TOP1: variants seen among roughly 807,000 people sequenced by gnomAD.
TOP1 encodes DNA topoisomerase 1.
TOP1 carries 10 observed loss-of-function variants against 111.1 expected under a neutral mutation model. The ratio of observed to expected loss-of-function variants is 0.09; its 90% CI spans 0.06 to 0.15. The LOEUF (loss-of-function observed/expected upper bound fraction) is 0.15. TOP1 is among the 10% of genes least tolerant of loss of function. The pLI is 1.00. For synonymous variants in TOP1, 271 were observed against 302.9 expected, an observed-to-expected ratio of 0.89 and a Z score of 1.10; for missense variants, 474 against 926.7, an observed-to-expected ratio of 0.51 and a Z score of 6.34.
At chr20:41,091,536 G>A (rs1194849288) in intron 8 of TOP1, among the ~76,000 whole-genome samples, 1 of 147,862 alleles carries the variant, frequency 6.8e-6, no homozygotes, top group Non-Finnish European at 1.5e-5. Flanking sequence ...AATAGGAAAT[G>A]TAGCAAATTA....
chr20:41,081,168 T>C lies in TOP1; in HGVS notation c.435T>C (p.Ala145=), dbSNP rs766862912. ...PLKRPRDEDD[A]DYKPKKIKTE... ...GTATTCATGTTCCCCTTTCTAGTGC[T>C]GATTATAAACCTAAGAAAATTAAAA... The change falls in exon 7 of 21, where the codon GCT becomes GCC. Residue 145 remains alanine (A), a synonymous_variant. Transcript: ENST00000361337. 35 of 1,595,680 alleles carry C rather than the reference T, an allele frequency of 2.2e-5. No homozygotes were observed. The highest frequency in any genetic ancestry group is 2.5e-5 in the Non-Finnish European group (29 of 1,169,356).
At chr20:41,076,595 T>C (rs1049641659) in intron 4 of TOP1, among the ~76,000 whole-genome samples, 3 of 152,208 alleles carry the variant, frequency 2.0e-5, no homozygotes, top group Non-Finnish European at 4.4e-5. Context: ...GCCTTGATGG[T>C]CTTCTGTTCA....
chr20:41,040,803 CAAAA>C (rs58729802), intron 2 of TOP1, among the ~76,000 whole-genome samples: 3 of 80,546 alleles, frequency 3.7e-5, no homozygotes, highest in Admixed American at 1.4e-4. Flanking sequence ...GGCATCGTCT[CAAAA>C]AAAAAAAAAA....
chr20:41,104,323 C>T (rs1332399573), intron 13 of TOP1, among the ~76,000 whole-genome samples: 2 of 152,112 alleles, frequency 1.3e-5, no homozygotes, highest in African/African-American at 2.4e-5. Context: ...TGGACACAAA[C>T]AAGAAGTAGA....
chr20:41,063,732 G>A (rs1424996251), intron 3 of TOP1, among the ~76,000 whole-genome samples: 3 of 152,032 alleles, frequency 2.0e-5, no homozygotes, highest in Non-Finnish European at 4.4e-5. Context: ...CCATTTGTAT[G>A]TCATCTTTTG....
In TOP1 at chr20:41,079,659, T is replaced by A. The variant is rs2033766802; in HGVS notation, c.336-426T>A. On this transcript the variant is annotated intron_variant, in intron 5 of 20. Coordinates refer to ENST00000361337, the MANE Select transcript of TOP1 (RefSeq NM_003286.4). This position sits in a 1 kb window ranked among gnomAD's most constrained non-coding sequence, Gnocchi z 4.0. ...AGGTACTAAGTTGGGGAAATCAATG[T>A]TTATTCCTTTCCTTGTAAAAGCTGT... 6.6e-6 allele frequency among the ~76,000 whole-genome samples: 1 copy of A among 152,232 alleles called. No individual in the cohort carries two copies. Among genetic ancestry groups the A allele is most frequent in the African/African-American group, 2.4e-5 (1 of 41,458 alleles).
Position 41,121,967 on chromosome 20 carries a change from G to C in TOP1, c.2046-39G>C, listed in dbSNP as rs934386752. The stretch of plus-strand genomic sequence containing the variant: ...TGGGTACAGTGTGCTCTTGTCTAGA[G>C]CCCAGGCCTGGTTCTTGAGGACTTT... On this transcript the variant is annotated intron_variant, in intron 19 of 20. Coordinates refer to ENST00000361337, the MANE Select transcript of TOP1 (RefSeq NM_003286.4). The surrounding 1 kb of genome is among the most constrained non-coding windows in gnomAD (Gnocchi z 4.2). The C allele has an allele frequency of 6.2e-7, 1 of 1,611,556 alleles. No individual in the cohort carries two copies.
At chr20:41,073,144 T>C (rs751012037) in intron 3 of TOP1, 3 of 985,330 alleles carry the variant, frequency 3.0e-6, no homozygotes, top group Non-Finnish European at 3.6e-6. Flanking sequence ...GGTGTGATAA[T>C]GTACAGCAAA....
intron 2 of TOP1, among the ~76,000 whole-genome samples, chr20:41,043,728 C>T (rs2033296862): frequency 1.3e-5 from 2 of 152,176 alleles, no homozygotes; most frequent in Admixed American, 1.3e-4. Context: ...TTAGGCTGAG[C>T]TGTGGATCCG....
Position 41,121,751 on chromosome 20 carries a change from A to G in TOP1, c.2006A>G (p.Lys669Arg), listed in dbSNP as rs1161096445. 6.2e-7 allele frequency: 1 copy of G among 1,614,228 alleles called. No individual in the cohort carries two copies. The highest frequency in any genetic ancestry group is 1.1e-5 in the South Asian group (1 of 91,082). ...GCCCGGAGAGACCTGAAAAGTGCTAAGGCTGATGCCAAGGTCATGAAGGAT... is the reference window on the plus strand; with the variant it reads ...GCCCGGAGAGACCTGAAAAGTGCTAGGGCTGATGCCAAGGTCATGAAGGAT... ...ADARRDLKSA[K>R]ADAKVMKDAK... Residue 669 changes from lysine (K) to arginine (R), a missense_variant, in exon 19 of 21, where the codon AAG (lysine) becomes AGG (arginine). Physicochemically the swap from Lys to Arg is conservative, Grantham distance 26 (BLOSUM62 2). Coordinates refer to ENST00000361337, the MANE Select transcript of TOP1 (RefSeq NM_003286.4). The surrounding 1 kb of genome is among the most constrained non-coding windows in gnomAD (Gnocchi z 4.2).
intron 18 of TOP1, among the ~76,000 whole-genome samples, chr20:41,119,393 T>G (rs1361608354): frequency 6.6e-6 from 1 of 152,200 alleles, no homozygotes; most frequent in Admixed American, 6.5e-5. Context: ...GGTGGGAGAA[T>G]CACTTGAGCT....
chr20:41,111,261 T>G (rs958686359), intron 13 of TOP1, among the ~76,000 whole-genome samples: 1 of 152,200 alleles, frequency 6.6e-6, no homozygotes, highest in East Asian at 1.9e-4. Flanking sequence ...TCATGGAGAT[T>G]TACTACTGAC....
rs1363644998 is a variant in TOP1 at position 41,029,725 on chromosome 20, T to G, written c.58+270T>G. 1 of 543,510 alleles carries G rather than the reference T, an allele frequency of 1.8e-6. No homozygotes were observed. Among genetic ancestry groups the G allele is most frequent in the East Asian group, 3.5e-5 (1 of 28,644 alleles). The allele number at this position is 543,510 out of a possible 1,614,324, so 33.7% of individuals were successfully genotyped here. Reference sequence around the variant, plus strand: ...TCGGGCGGTCTTTCCGGGCCGGGATTCCTCCCGGGAAAGTCGCCTTGTCGA... The same window carrying G: ...TCGGGCGGTCTTTCCGGGCCGGGATGCCTCCCGGGAAAGTCGCCTTGTCGA... On this transcript the variant is annotated intron_variant, in intron 2 of 20. Transcript: ENST00000361337. The surrounding 1 kb of genome is among the most constrained non-coding windows in gnomAD (Gnocchi z 6.1).
intron 13 of TOP1, among the ~76,000 whole-genome samples, chr20:41,111,604 T>C (rs867298944): frequency 7.8e-4 from 71 of 90,650 alleles, no homozygotes; most frequent in African/African-American, 1.6e-3. Flanking sequence ...CCCGCCCCCT[T>C]TTTTTTTTTT....
At chr20:41,084,641 A>C in intron 8 of TOP1, 73 bp downstream of exon 8, 1 of 785,332 alleles carries the variant, frequency 1.3e-6, no homozygotes. Context: ...GTATTGAGTT[A>C]TTAAAATTAA....
chr20:41,050,933 A>G (rs903278084), intron 2 of TOP1, among the ~76,000 whole-genome samples: 1 of 152,162 alleles, frequency 6.6e-6, no homozygotes, highest in Non-Finnish European at 1.5e-5. Flanking sequence ...GGGATGTGAT[A>G]TGGGTTTGAA....
At position 41,106,777 on chromosome 20, in the gene TOP1, G is replaced by T. The variant is rs147788710; in HGVS notation, c.1308+5424G>T. 3.2e-4 allele frequency among the ~76,000 whole-genome samples: 48 copies of T among 152,204 alleles called. No individual in the cohort carries two copies. Among genetic ancestry groups the T allele is most frequent in the Middle Eastern group, 3.4e-3 (1 of 294 alleles). ...TACAAGAGGTGCTCAGAGTTGTTCA[G>T]GGTTGCTGAACTCTTAGTTCTAAAA... On this transcript the variant is annotated intron_variant, in intron 13 of 20. Coordinates refer to ENST00000361337, the MANE Select transcript of TOP1 (RefSeq NM_003286.4). The surrounding 1 kb of genome is among the most constrained non-coding windows in gnomAD (Gnocchi z 4.3).
At chr20:41,036,750 G>A (rs1340054642) in intron 2 of TOP1, among the ~76,000 whole-genome samples, 2 of 152,074 alleles carry the variant, frequency 1.3e-5, no homozygotes, top group Non-Finnish European at 2.9e-5. Context: ...CAGTTACAAA[G>A]CGGTCACTGT....
chr20:41,089,030 T>G (rs1467992152), intron 8 of TOP1, among the ~76,000 whole-genome samples: 1 of 128,784 alleles, frequency 7.8e-6, no homozygotes, highest in East Asian at 2.7e-4. Context: ...CTTTTTTTTT[T>G]TTTTTTTTTT....
Sources: allele counts gnomAD v4.1 joint callset (sites outside exome capture counted in the v4.1 genomes callset), GRCh38; gene constraint gnomAD v4.1.1; non-coding constraint Gnocchi (gnomAD v3.1); transcripts MANE v1.5; gene names NCBI Gene and HGNC (gene_info 2026-07-23, HGNC 2026-07-21).